LEKR1: variants seen among roughly 807,000 people sequenced by gnomAD.
The protein encoded by LEKR1 is protein LEKR1.
LEKR1 carries 59 observed loss-of-function variants against 72.4 expected under a neutral mutation model. The ratio of observed to expected loss-of-function variants is 0.82; its 90% CI spans 0.66 to 1.01. The LOEUF is 1.01. Among genes scored for constraint, LEKR1 ranks in the 50% least tolerant of loss-of-function variants. The probability of loss-of-function intolerance (pLI) is 0.00; values close to 1 mark genes in which losing one functional copy is unlikely to be tolerated. For missense variants in LEKR1, 728 were observed against 759.2 expected (o/e 0.96, Z 0.48); for synonymous variants, 257 against 263.2 (o/e 0.98, Z 0.23).
At chr3:156,967,859 T>G (rs1248299623) in intron 6 of LEKR1, among the ~76,000 whole-genome samples, 3 of 152,142 alleles carry the variant, frequency 2.0e-5, no homozygotes, top group Non-Finnish European at 4.4e-5. Context: ...GAAAAAATGT[T>G]AAGGGCAGCC....
At chr3:156,942,758 G>A in intron 6 of LEKR1, 44 bp downstream of exon 6, 1 of 841,922 alleles carries the variant, frequency 1.2e-6, no homozygotes, top group Non-Finnish European at 1.6e-6. Flanking sequence ...AGTTATATAA[G>A]TACATGAATA....
chr3:156,838,456 C>A (rs960336412), intron 2 of LEKR1, among the ~76,000 whole-genome samples: 1 of 152,142 alleles, frequency 6.6e-6, no homozygotes, highest in Admixed American at 6.5e-5. Flanking sequence ...GACATCTCCC[C>A]AAACCCAGAG....
At chr3:156,975,589 G>A (rs56126252) in intron 6 of LEKR1, among the ~76,000 whole-genome samples, 1 of 151,986 alleles carries the variant, frequency 6.6e-6, no homozygotes, top group Non-Finnish European at 1.5e-5. Flanking sequence ...TTTTATATTT[G>A]TAGTTTCTAG....
chr3:156,826,669 A>T, intron 1 of LEKR1: 1 of 155,562 alleles, frequency 6.4e-6, no homozygotes, highest in East Asian at 1.9e-4. Context: ...CGGCCACTGC[A>T]GGTCCAGGGG....
At chr3:156,883,570 AC>A (rs1317072005) in intron 3 of LEKR1, among the ~76,000 whole-genome samples, 1 of 152,096 alleles carries the variant, frequency 6.6e-6, no homozygotes, top group Admixed American at 6.5e-5. Context: ...TGTGGGAGGG[AC>A]TTGGTGGGAG....
chr3:157,045,794 T>G lies in LEKR1; in HGVS notation c.*44T>G. 2 of 1,497,174 alleles carry G rather than the reference T, an allele frequency of 1.3e-6. No homozygotes were observed. Among genetic ancestry groups the G allele is most frequent in the Non-Finnish European group, 1.8e-6 (2 of 1,098,132 alleles). The allele number at this position is 1,497,174 out of a possible 1,614,324, so 92.7% of individuals were successfully genotyped here. A position where few individuals can be genotyped will look rare whatever the true frequency, so the allele number is the denominator to read the frequency against. ...AAGCTCCCTACAGCGTGCACGCTCTTTCAGAGAGTGCCAGGAATTCACTGT... is the reference window on the plus strand; with the variant it reads ...AAGCTCCCTACAGCGTGCACGCTCTGTCAGAGAGTGCCAGGAATTCACTGT... On this transcript the variant is annotated 3_prime_UTR_variant, in exon 13 of 13. Coordinates refer to ENST00000356539, the MANE Select transcript of LEKR1 (RefSeq NM_001004316.3).
chr3:156,904,364 C>T (rs953148253), intron 3 of LEKR1, among the ~76,000 whole-genome samples: 12 of 151,176 alleles, frequency 7.9e-5, no homozygotes, highest in Admixed American at 6.6e-4. Context: ...TACACTAAAC[C>T]CTTTTGCCTC....
At chr3:156,969,735 C>G (rs1728984855) in intron 6 of LEKR1, among the ~76,000 whole-genome samples, 1 of 152,158 alleles carries the variant, frequency 6.6e-6, no homozygotes, top group Admixed American at 6.5e-5. Flanking sequence ...CTATTCCAAT[C>G]AATAGCAAAA....
chr3:157,003,770 C>G (rs1732198056), intron 9 of LEKR1, among the ~76,000 whole-genome samples: 1 of 152,152 alleles, frequency 6.6e-6, no homozygotes. Context: ...TTCAGCCTAT[C>G]AAACTGTGAT....
chr3:156,907,533 A>T (rs1722643808), intron 3 of LEKR1, among the ~76,000 whole-genome samples: 1 of 152,106 alleles, frequency 6.6e-6, no homozygotes, highest in Non-Finnish European at 1.5e-5. Flanking sequence ...TATTAAAATA[A>T]TATTTCATAA....
At chr3:156,839,726 A>G (rs529208625) in intron 2 of LEKR1, among the ~76,000 whole-genome samples, 1 of 152,312 alleles carries the variant, frequency 6.6e-6, no homozygotes, top group South Asian at 2.1e-4. Flanking sequence ...TTGATGCTAG[A>G]TAATATGGCA....
intron 3 of LEKR1, among the ~76,000 whole-genome samples, chr3:156,867,625 A>G (rs2108544960): frequency 6.6e-6 from 1 of 152,128 alleles, no homozygotes; most frequent in South Asian, 2.1e-4. Flanking sequence ...GTCCACAATA[A>G]TCTCTTTTTG....
At position 156,968,333 on chromosome 3, in the gene LEKR1, A is replaced by G. The variant is rs183099867; in HGVS notation, c.746-10861A>G. On this transcript the variant is annotated intron_variant, in intron 6 of 12. Transcript: ENST00000356539. Reference sequence around the variant, plus strand: ...CCAATTAAAAGACACAGACTGGCAAATTGGATCAAGAGTCAAGACCCATCA... The same window carrying G: ...CCAATTAAAAGACACAGACTGGCAAGTTGGATCAAGAGTCAAGACCCATCA... Among the ~76,000 whole-genome samples the G allele has an allele frequency of 1.1e-3, 160 of 152,322 alleles. No homozygotes were observed. The East Asian group carries it at 0.025, about 24-fold the overall frequency.
chr3:157,042,373 A>G (rs1213022230), intron 12 of LEKR1, among the ~76,000 whole-genome samples: 1 of 152,192 alleles, frequency 6.6e-6, no homozygotes, highest in Non-Finnish European at 1.5e-5. Flanking sequence ...GGCTGGCCCC[A>G]TTCACTTACT....
intron 3 of LEKR1, among the ~76,000 whole-genome samples, chr3:156,900,137 A>G (rs1034957480): frequency 6.6e-6 from 1 of 152,166 alleles, no homozygotes; most frequent in Non-Finnish European, 1.5e-5. Context: ...AAAAAAATGC[A>G]TGCTCATTAA....
chr3:157,011,533 A>C (rs375900276), intron 10 of LEKR1, 27 bp downstream of exon 10: 1 of 1,473,458 alleles, frequency 6.8e-7, no homozygotes, highest in African/African-American at 1.4e-5. Context: ...TTTCATCAGC[A>C]TGCAACCTAT....
chr3:156,910,107 A>G (rs1326388846), intron 3 of LEKR1, among the ~76,000 whole-genome samples: 1 of 152,156 alleles, frequency 6.6e-6, no homozygotes, highest in East Asian at 1.9e-4. Context: ...ATTCCTTAAA[A>G]ATCTATTCTT....
intron 1 of LEKR1, among the ~76,000 whole-genome samples, chr3:156,828,469 T>TAACTAATGGTCCTCAG (rs6148152): frequency 6.6e-6 from 1 of 152,008 alleles, no homozygotes; most frequent in African/African-American, 2.4e-5. Context: ...CTCTTGTCTA[T>TAACTAATGGTCCTCAG]GCCTTCTTCC....
chr3:156,888,428 A>C, intron 3 of LEKR1: 3 of 690,106 alleles, frequency 4.3e-6, no homozygotes, highest in Non-Finnish European at 5.3e-6. Flanking sequence ...AGCTTTTCTT[A>C]ATAACTTTGT....
Sources: gnomAD v4.1 joint callset for allele counts (sites outside exome capture counted in the v4.1 genomes callset) on GRCh38, gnomAD v4.1.1 for gene constraint, MANE v1.5 for transcripts, NCBI Gene and HGNC (gene_info 2026-07-23, HGNC 2026-07-21) for gene names.